The following CAMTA1 variants were observed in gnomAD, a reference collection of about 807,000 sequenced individuals.
The protein encoded by CAMTA1 is calmodulin-binding transcription activator 1.
A neutral mutation model predicts 170.9 loss-of-function variants in CAMTA1; 27 were observed. The ratio of observed to expected loss-of-function variants is 0.16; its 90% CI spans 0.12 to 0.22. The LOEUF (loss-of-function observed/expected upper bound fraction) is 0.22. CAMTA1 is among the 10% of genes least tolerant of loss of function. The pLI, the probability that CAMTA1 is intolerant of heterozygous loss-of-function variation, is 1.00. For synonymous variants in CAMTA1, 833 were observed against 891.5 expected, an observed-to-expected ratio of 0.93 and a Z score of 1.17; for missense variants, 1,619 against 2,217.2, an observed-to-expected ratio of 0.73 and a Z score of 5.42.
intron 9 of CAMTA1, among the ~76,000 whole-genome samples, chr1:7,669,426 T>C (rs1346215821): frequency 6.6e-6 from 1 of 152,222 alleles, no homozygotes; most frequent in African/African-American, 2.4e-5. Flanking sequence ...AGGCTCCTTG[T>C]AGAGGCCGGG....
At chr1:7,239,161 A>T (rs1664418086) in intron 4 of CAMTA1, among the ~76,000 whole-genome samples, 1 of 152,224 alleles carries the variant, frequency 6.6e-6, no homozygotes, top group South Asian at 2.1e-4. Context: ...TAATTTCATC[A>T]GTAAATATTT....
intron 3 of CAMTA1, among the ~76,000 whole-genome samples, chr1:6,990,693 G>A (rs1170315779): frequency 1.3e-5 from 2 of 151,662 alleles, no homozygotes; most frequent in African/African-American, 4.8e-5. Flanking sequence ...CCTACCCCCA[G>A]GCAACCAATG....
At chr1:7,250,844 G>GT (rs1201667388) in intron 5 of CAMTA1, among the ~76,000 whole-genome samples, 1 of 152,192 alleles carries the variant, frequency 6.6e-6, no homozygotes, top group Admixed American at 6.5e-5. Flanking sequence ...GCACAGTGTG[G>GT]TTTAATTGAC....
At chr1:7,198,161 C>T (rs139859218) in intron 4 of CAMTA1, among the ~76,000 whole-genome samples, 3 of 152,022 alleles carry the variant, frequency 2.0e-5, no homozygotes, top group African/African-American at 7.2e-5. Context: ...CAGTTTCTGC[C>T]CTTGCCTTTC....
intron 4 of CAMTA1, among the ~76,000 whole-genome samples, chr1:7,108,573 A>C (rs1266520321): frequency 2.0e-5 from 3 of 152,172 alleles, no homozygotes; most frequent in Non-Finnish European, 4.4e-5. Flanking sequence ...TTCAGAGAGG[A>C]AATAGGGGAG....
intron 3 of CAMTA1, among the ~76,000 whole-genome samples, chr1:6,882,273 T>C (rs1431313665): frequency 1.3e-5 from 2 of 152,228 alleles, no homozygotes; most frequent in African/African-American, 4.8e-5. Context: ...AGCTAAGTAG[T>C]TGTAACAGGG....
In CAMTA1 at chr1:7,173,511, T is replaced by C. The variant is rs1384492551; in HGVS notation, c.303-75980T>C. Among the ~76,000 whole-genome samples, 2 of 151,904 alleles carry C rather than the reference T, an allele frequency of 1.3e-5. No individual in the cohort carries two copies. The highest frequency in any genetic ancestry group is 4.8e-5 in the African/African-American group (2 of 41,362). ...CAAGCGATTCTCCTACCTCAGCATCTCAAGTAGCTGGGATTACAGGCACGT... is the reference window on the plus strand; with the variant it reads ...CAAGCGATTCTCCTACCTCAGCATCCCAAGTAGCTGGGATTACAGGCACGT... On this transcript the variant is annotated intron_variant, in intron 4 of 22. Transcript: ENST00000303635. The surrounding 1 kb of genome is among the most constrained non-coding windows in gnomAD (Gnocchi z 5.4).
At chr1:6,936,509 T>TG (rs1685329543) in intron 3 of CAMTA1, among the ~76,000 whole-genome samples, 1 of 150,890 alleles carries the variant, frequency 6.6e-6, no homozygotes, top group Admixed American at 6.6e-5. Context: ...ACTCAGGGGT[T>TG]GGGGGAGAGG....
Position 7,559,684 on chromosome 1 carries a change from G to A in CAMTA1, c.511-80716G>A, listed in dbSNP as rs116112995. On this transcript the variant is annotated intron_variant, in intron 6 of 22. Transcript: ENST00000303635. Reference sequence around the variant, plus strand: ...GCCTGCGCCTGTCACAGGGTGGGCCGGAGGACACACGGCTCCTTGGGGTCC... The same window carrying A: ...GCCTGCGCCTGTCACAGGGTGGGCCAGAGGACACACGGCTCCTTGGGGTCC... 2.3e-3 allele frequency among the ~76,000 whole-genome samples: 351 copies of A among 152,142 alleles called. 2 individuals carry two copies. The highest frequency in any genetic ancestry group is 8.3e-3 in the African/African-American group (345 of 41,522).
chr1:7,536,782 G>A (rs150853469), intron 6 of CAMTA1, among the ~76,000 whole-genome samples: 25 of 152,274 alleles, frequency 1.6e-4, no homozygotes, highest in Middle Eastern at 3.4e-3. Flanking sequence ...CTCCACCCGC[G>A]GAGTGCTGCC....
intron 4 of CAMTA1, among the ~76,000 whole-genome samples, chr1:7,152,336 TC>T (rs568142143): frequency 1.6e-4 from 24 of 152,050 alleles, no homozygotes; most frequent in African/African-American, 5.5e-4. Flanking sequence ...GGCTTAAAGC[TC>T]CCCCTTCCAT....
chr1:7,395,802 AT>A (rs1382870838), intron 5 of CAMTA1, among the ~76,000 whole-genome samples: 1 of 152,030 alleles, frequency 6.6e-6, no homozygotes, highest in Non-Finnish European at 1.5e-5. Flanking sequence ...CTTTGCTTAA[AT>A]TTATTACTAG....
At chr1:7,727,271 C>G (rs1304119558) in intron 11 of CAMTA1, among the ~76,000 whole-genome samples, 1 of 152,038 alleles carries the variant, frequency 6.6e-6, no homozygotes, top group African/African-American at 2.4e-5. Flanking sequence ...TACAGGCGCC[C>G]GCCACCACAC....
chr1:7,752,675 A>G, intron 21 of CAMTA1, 142 bp downstream of exon 21: 2 of 627,286 alleles, frequency 3.2e-6, no homozygotes, highest in East Asian at 6.1e-5. Flanking sequence ...ATAGGGCGGT[A>G]GAGCTCTTTA....
At chr1:7,197,691 A>C (rs1655825800) in intron 4 of CAMTA1, among the ~76,000 whole-genome samples, 1 of 143,444 alleles carries the variant, frequency 7.0e-6, no homozygotes, top group African/African-American at 2.5e-5. Context: ...CTACTTGCTT[A>C]TTTATCTGCT....
intron 6 of CAMTA1, among the ~76,000 whole-genome samples, chr1:7,519,918 C>T (rs1387842796): frequency 3.3e-5 from 5 of 151,584 alleles, no homozygotes; most frequent in East Asian, 1.9e-4. Flanking sequence ...CTACTGCCTT[C>T]GTCTCCCTGT....
In CAMTA1 at chr1:7,271,081, A is replaced by G. The variant is rs983640283; in HGVS notation, c.438+21455A>G. ...CCAATTTTTACATGCTGAATACATAAGCCCCAGTGTGGCTGTGTTTGGAGA... is the reference window on the plus strand; with the variant it reads ...CCAATTTTTACATGCTGAATACATAGGCCCCAGTGTGGCTGTGTTTGGAGA... On this transcript the variant is annotated intron_variant, in intron 5 of 22. Coordinates refer to ENST00000303635, the MANE Select transcript of CAMTA1 (RefSeq NM_015215.4). 4.6e-5 allele frequency among the ~76,000 whole-genome samples: 7 copies of G among 152,294 alleles called. No homozygotes were observed. In the South Asian group the frequency reaches 1.5e-3, roughly 32 times the overall value.
intron 4 of CAMTA1, among the ~76,000 whole-genome samples, chr1:7,210,090 G>C (rs930488811): frequency 4.6e-5 from 7 of 152,166 alleles, no homozygotes; most frequent in South Asian, 2.1e-4. Flanking sequence ...CAGGAAAATA[G>C]TACTAATGCA....
At chr1:7,625,388 G>A (rs2095626634) in intron 6 of CAMTA1, among the ~76,000 whole-genome samples, 1 of 152,240 alleles carries the variant, frequency 6.6e-6, no homozygotes, top group African/African-American at 2.4e-5. Context: ...CACAGTGGCA[G>A]GACTGCTCTG....
Sources: allele counts gnomAD v4.1 joint callset (sites outside exome capture counted in the v4.1 genomes callset), GRCh38; gene constraint gnomAD v4.1.1; non-coding constraint Gnocchi (gnomAD v3.1); transcripts MANE v1.5; gene names NCBI Gene and HGNC (gene_info 2026-07-23, HGNC 2026-07-21).